SCN8A: variants seen among roughly 807,000 people sequenced by gnomAD.
The protein encoded by SCN8A is sodium voltage-gated channel alpha subunit 8.
Under a neutral mutation model 184.1 loss-of-function variants are expected in SCN8A, and 30 were observed. The ratio of observed to expected loss-of-function variants is 0.16; its 90% CI spans 0.12 to 0.22. The LOEUF (loss-of-function observed/expected upper bound fraction) is 0.22, where lower values mean the gene tolerates loss of function less well. Among genes scored for constraint, SCN8A ranks in the 10% least tolerant of loss-of-function variants. The pLI, the probability that SCN8A is intolerant of heterozygous loss-of-function variation, is 1.00. For missense variants in SCN8A, 1,057 were observed against 2,498.9 expected (o/e 0.42, Z 12.30); for synonymous variants, 852 against 907.0 (o/e 0.94, Z 1.09).
intron 1 of SCN8A, among the ~76,000 whole-genome samples, chr12:51,604,834 C>T (rs1290837597): frequency 6.6e-6 from 1 of 151,854 alleles, no homozygotes; most frequent in Non-Finnish European, 1.5e-5. Flanking sequence ...TACCAGGCTC[C>T]AGTGTTTTTT....
chr12:51,784,600 G>T (rs1236231057), intron 21 of SCN8A, among the ~76,000 whole-genome samples: 1 of 152,108 alleles, frequency 6.6e-6, no homozygotes, highest in African/African-American at 2.4e-5. Context: ...TATGATTAAA[G>T]TACATTTGCA....
In SCN8A at chr12:51,675,955, A is replaced by G. The variant is rs184926406; in HGVS notation, c.277-8219A>G. Among the ~76,000 whole-genome samples the G allele has an allele frequency of 2.4e-3, 369 of 152,332 alleles. 4 individuals are homozygous for G. Among genetic ancestry groups the G allele is most frequent in the African/African-American group, 8.5e-3 (352 of 41,558 alleles). ...CTGCCACATAGTAAATGCTTAATAA[A>G]TATTGAATTTTATTATTTCTTCAAA... On this transcript the variant is annotated intron_variant, in intron 2 of 26. Coordinates refer to ENST00000627620, the MANE Select transcript of SCN8A (RefSeq NM_001330260.2).
chr12:51,780,547 G>A, intron 20 of SCN8A, 102 bp from the exon 21 acceptor site: 3 of 801,926 alleles, frequency 3.7e-6, no homozygotes, highest in Non-Finnish European at 3.2e-6. Context: ...CTAACACTCT[G>A]GAACCTCTGT....
At chr12:51,751,653 C>A (rs1314563058) in intron 14 of SCN8A, 60 bp downstream of exon 14, 3 of 1,272,640 alleles carry the variant, frequency 2.4e-6, no homozygotes, top group East Asian at 4.7e-5. Flanking sequence ...TGTAGGATAT[C>A]TTTTTCTGGT....
chr12:51,652,863 A>G lies in SCN8A; in HGVS notation c.-54-9901A>G, dbSNP rs114886896. Among the ~76,000 whole-genome samples the G allele has an allele frequency of 4.1e-3, 630 of 152,314 alleles. 5 individuals are homozygous for G. The highest frequency in any genetic ancestry group is 0.015 in the African/African-American group (606 of 41,546). On this transcript the variant is annotated intron_variant, in intron 1 of 26. Transcript: ENST00000627620. ...CTGTACTTTGCCTGTTTACCTGTCT[A>G]CTACCTCAGAAGACTATAAGGTCCT...
At chr12:51,639,503 C>T (rs1257153001) in intron 1 of SCN8A, among the ~76,000 whole-genome samples, 1 of 152,116 alleles carries the variant, frequency 6.6e-6, no homozygotes, top group Admixed American at 6.5e-5. Context: ...TAGCCTCGAA[C>T]TCCCTGACTC....
intron 6 of SCN8A, among the ~76,000 whole-genome samples, chr12:51,696,843 C>A (rs2138730176): frequency 6.6e-6 from 1 of 151,368 alleles, no homozygotes; most frequent in East Asian, 1.9e-4. Context: ...CCAGCCTGGC[C>A]AATATAGTGA....
chr12:51,615,493 C>G (rs1032002690), intron 1 of SCN8A, among the ~76,000 whole-genome samples: 4 of 152,066 alleles, frequency 2.6e-5, no homozygotes, highest in Non-Finnish European at 5.9e-5. Flanking sequence ...TTTGAGGCTG[C>G]AGTGAGCTGT....
intron 8 of SCN8A, among the ~76,000 whole-genome samples, chr12:51,702,205 C>G (rs1941701973): frequency 6.6e-6 from 1 of 151,534 alleles, no homozygotes; most frequent in Non-Finnish European, 1.5e-5. Context: ...GCCTGTAATC[C>G]CAGCTACTCG....
chr12:51,685,555 A>T, intron 3 of SCN8A, among the ~76,000 whole-genome samples: 1 of 152,244 alleles, frequency 6.6e-6, no homozygotes. Flanking sequence ...TTTGCTATCC[A>T]TAAACATTCC....
At chr12:51,793,113 GAGA>G (rs1198278488) in intron 25 of SCN8A, among the ~76,000 whole-genome samples, 1 of 152,152 alleles carries the variant, frequency 6.6e-6, no homozygotes, top group Non-Finnish European at 1.5e-5. Context: ...ATGAGGGCAA[GAGA>G]AGAAGTGGGA....
intron 21 of SCN8A, among the ~76,000 whole-genome samples, chr12:51,783,801 T>A (rs1937996181): frequency 6.6e-6 from 1 of 152,232 alleles, no homozygotes; most frequent in South Asian, 2.1e-4. Context: ...AACAATAATG[T>A]CCGAGACATT....
intron 25 of SCN8A, among the ~76,000 whole-genome samples, chr12:51,792,956 T>C (rs1938307655): frequency 6.6e-6 from 1 of 152,142 alleles, no homozygotes. Flanking sequence ...TTGACCAGGC[T>C]GGTCTTGAAC....
intron 1 of SCN8A, among the ~76,000 whole-genome samples, chr12:51,620,500 T>A (rs1939936520): frequency 6.6e-6 from 1 of 152,086 alleles, no homozygotes; most frequent in East Asian, 1.9e-4. Context: ...AACTCTATAT[T>A]TGAGAAATTG....
chr12:51,633,201 A>G (rs1476251388), intron 1 of SCN8A, among the ~76,000 whole-genome samples: 1 of 152,194 alleles, frequency 6.6e-6, no homozygotes, highest in Non-Finnish European at 1.5e-5. Context: ...AGGCTTTTTC[A>G]AACTGCTATG....
At chr12:51,708,937 A>T (rs1057164879) in intron 11 of SCN8A, among the ~76,000 whole-genome samples, 1 of 152,222 alleles carries the variant, frequency 6.6e-6, no homozygotes, top group Admixed American at 6.5e-5. Flanking sequence ...AGCTTACAGT[A>T]CAGTGAGACA....
At chr12:51,722,159 C>T in intron 12 of SCN8A, 1 of 582,254 alleles carries the variant, frequency 1.7e-6, no homozygotes, top group Non-Finnish European at 3.0e-6. Context: ...ATTCTTTGCT[C>T]CATTTTCCCC....
At chr12:51,779,706 T>C (rs982174274) in intron 20 of SCN8A, among the ~76,000 whole-genome samples, 8 of 152,232 alleles carry the variant, frequency 5.3e-5, no homozygotes, top group Non-Finnish European at 8.8e-5. Context: ...CAAATTTTGT[T>C]TTCCAATAAT....
chr12:51,695,057 TG>T (rs1475071951), intron 6 of SCN8A, among the ~76,000 whole-genome samples: 13 of 152,234 alleles, frequency 8.5e-5, no homozygotes, highest in African/African-American at 3.1e-4. Context: ...TTCCTTTACC[TG>T]AAAACATGAA....
Sources: allele counts gnomAD v4.1 joint callset (sites outside exome capture counted in the v4.1 genomes callset), GRCh38; gene constraint gnomAD v4.1.1; transcripts MANE v1.5; gene names NCBI Gene and HGNC (gene_info 2026-07-23, HGNC 2026-07-21).